The following ADGRL4 variants were observed in gnomAD, a reference collection of about 807,000 sequenced individuals.
ADGRL4 encodes adhesion G protein-coupled receptor L4.
A neutral mutation model predicts 74.8 loss-of-function variants in ADGRL4; 90 were observed. The ratio of observed to expected loss-of-function variants is 1.20; its 90% confidence interval spans 1.02 to 1.43. The LOEUF (loss-of-function observed/expected upper bound fraction) is 1.43. ADGRL4 is among the 40% of genes most tolerant of loss of function. ADGRL4 has a pLI of 0.00. For synonymous variants in ADGRL4, 311 were observed against 279.2 expected (o/e 1.11, Z -1.14); for missense variants, 881 against 814.3 (o/e 1.08, Z -1.00).
rs1246607087 is a variant in ADGRL4 at position 78,890,275 on chromosome 1, A to C, written c.*879T>G. ...TCAAATATACTAATGAGATAGTATAACTTTCACTTCACTGAAAGGTAATAG... is the reference window on the plus strand; with the variant it reads ...TCAAATATACTAATGAGATAGTATACCTTTCACTTCACTGAAAGGTAATAG... On this transcript the variant is annotated 3_prime_UTR_variant, in exon 15 of 15. Transcript: ENST00000370742. 1 of 152,260 alleles carries C rather than the reference A, an allele frequency of 6.6e-6. No homozygotes were observed. Among genetic ancestry groups the C allele is most frequent in the East Asian group, 1.9e-4 (1 of 5,204 alleles). The allele number at this position is 152,260 out of a possible 1,614,324, so 9.4% of individuals were successfully genotyped here.
At position 78,917,718 on chromosome 1, in the gene ADGRL4, G is replaced by T. The variant is rs142104671; in HGVS notation, c.1683-18C>A. The stretch of plus-strand genomic sequence containing the variant: ...GCCAACATCTGAAAAGTAAATAAAA[G>T]ATAGAATCTATAAATATGTTTGCAT... On this transcript the variant is annotated intron_variant, in intron 11 of 14. Coordinates refer to ENST00000370742, the MANE Select transcript of ADGRL4 (RefSeq NM_022159.4). 2,746 of 1,599,298 alleles carry T rather than the reference G, an allele frequency of 1.7e-3. 4 individuals carry two copies. Among genetic ancestry groups the T allele is most frequent in the Non-Finnish European group, 2.2e-3 (2,538 of 1,171,632 alleles).
At chr1:78,989,353 T>G (rs1650558615) in intron 2 of ADGRL4, among the ~76,000 whole-genome samples, 2 of 151,886 alleles carry the variant, frequency 1.3e-5, no homozygotes, top group African/African-American at 2.4e-5. Flanking sequence ...GTAAACATGC[T>G]TCTACTTTAA....
At chr1:78,923,882 G>A (rs916975474) in intron 8 of ADGRL4, among the ~76,000 whole-genome samples, 1 of 151,856 alleles carries the variant, frequency 6.6e-6, no homozygotes, top group African/African-American at 2.4e-5. Context: ...GAAAAAGAGA[G>A]CAGAGATACT....
chr1:78,996,781 A>G (rs979863227), intron 2 of ADGRL4, among the ~76,000 whole-genome samples: 8 of 152,158 alleles, frequency 5.3e-5, no homozygotes, highest in Non-Finnish European at 8.8e-5. Context: ...ATTGTTGTAC[A>G]TTATCTCATC....
chr1:78,895,788 T>G (rs1459440296), intron 12 of ADGRL4, among the ~76,000 whole-genome samples: 1 of 152,002 alleles, frequency 6.6e-6, no homozygotes, highest in Non-Finnish European at 1.5e-5. Flanking sequence ...AGATTTTATT[T>G]GAAGTGCAAA....
At chr1:78,946,490 A>G (rs530698298) in intron 2 of ADGRL4, 64 bp from the exon 3 acceptor site, 76 of 1,406,960 alleles carry the variant, frequency 5.4e-5, no homozygotes, top group Admixed American at 6.5e-5. Context: ...ACTATTTTCC[A>G]TCAGTATTTT....
At position 78,894,783 on chromosome 1, in the gene ADGRL4, C is replaced by T. The variant is rs370524316; in HGVS notation, c.1750-1594G>A. On this transcript the variant is annotated intron_variant, in intron 12 of 14. Transcript: ENST00000370742. ...GGTATTTATATTGATCTTGCTATCT[C>T]AACAAAGAAAGACTTAGAAGATAAA... Among the ~76,000 whole-genome samples the T allele has an allele frequency of 2.0e-4, 31 of 151,864 alleles. 1 individual carries two copies. In the South Asian group the frequency reaches 6.4e-3, roughly 32 times the overall value.
intron 12 of ADGRL4, among the ~76,000 whole-genome samples, chr1:78,903,662 G>A (rs368718126): frequency 7.2e-5 from 11 of 152,130 alleles, no homozygotes; most frequent in African/African-American, 2.4e-4. Context: ...TTGGCCGGGC[G>A]CGGTGGCTCA....
At chr1:78,895,341 G>A (rs1041134192) in intron 12 of ADGRL4, among the ~76,000 whole-genome samples, 2 of 151,894 alleles carry the variant, frequency 1.3e-5, no homozygotes, top group African/African-American at 4.8e-5. Flanking sequence ...AGTGGCAAGG[G>A]CTAGGTACCT....
chr1:78,966,519 A>C (rs191299891), intron 2 of ADGRL4, among the ~76,000 whole-genome samples: 2 of 152,176 alleles, frequency 1.3e-5, no homozygotes, highest in South Asian at 4.2e-4. Flanking sequence ...GAGCCTTTTC[A>C]TCCTTGGTCT....
chr1:78,973,803 T>C (rs181143681), intron 2 of ADGRL4, among the ~76,000 whole-genome samples: 2 of 152,024 alleles, frequency 1.3e-5, no homozygotes, highest in Admixed American at 1.3e-4. Context: ...TTGTTTTATG[T>C]TTCTTTTCTT....
chr1:78,911,908 A>G (rs189672146), intron 12 of ADGRL4, among the ~76,000 whole-genome samples: 121 of 152,026 alleles, frequency 8.0e-4, no homozygotes, highest in African/African-American at 2.8e-3. Context: ...GGCGTAGAAA[A>G]ATAGCTTCAG....
At position 78,944,291 on chromosome 1, in the gene ADGRL4, G is replaced by A. The variant is rs1489457037; in HGVS notation, c.325+1983C>T. On this transcript the variant is annotated intron_variant, in intron 3 of 14. Coordinates refer to ENST00000370742, the MANE Select transcript of ADGRL4 (RefSeq NM_022159.4). ...AATTACAGTGATTAAGATGTTACAAGTTAGACTTCTTCACTAACTGGAACA... is the reference window on the plus strand; with the variant it reads ...AATTACAGTGATTAAGATGTTACAAATTAGACTTCTTCACTAACTGGAACA... Among the ~76,000 whole-genome samples the A allele has an allele frequency of 2.6e-5, 4 of 152,272 alleles. No homozygotes were observed. The East Asian group carries it at 7.7e-4, about 29-fold the overall frequency.
chr1:78,982,998 G>T (rs577633316), intron 2 of ADGRL4, among the ~76,000 whole-genome samples: 74 of 151,880 alleles, frequency 4.9e-4, no homozygotes, highest in African/African-American at 1.7e-3. Context: ...CCTAGGCTAC[G>T]GGGGCAGAGG....
intron 2 of ADGRL4, among the ~76,000 whole-genome samples, chr1:78,956,149 T>C (rs1309387338): frequency 6.6e-6 from 1 of 152,164 alleles, no homozygotes; most frequent in Non-Finnish European, 1.5e-5. Context: ...TGCATTTAGA[T>C]ATTGCCGAAA....
intron 2 of ADGRL4, among the ~76,000 whole-genome samples, chr1:78,984,774 G>A (rs1343914316): frequency 6.6e-6 from 1 of 151,698 alleles, no homozygotes; most frequent in East Asian, 1.9e-4. Flanking sequence ...TCCTAGAAAT[G>A]GAGAATCTAT....
Position 78,917,629 on chromosome 1 carries a change from C to T in ADGRL4, c.1749+5G>A. 1 of 1,575,124 alleles carries T rather than the reference C, an allele frequency of 6.3e-7. No homozygotes were observed. The highest frequency in any genetic ancestry group is 8.7e-7 in the Non-Finnish European group (1 of 1,155,232). On this transcript the variant is annotated splice_donor_5th_base_variant and intron_variant, in intron 12 of 14. Coordinates refer to ENST00000370742, the MANE Select transcript of ADGRL4 (RefSeq NM_022159.4). The stretch of plus-strand genomic sequence containing the variant: ...AATTGTAATAACAATTTTATATATA[C>T]ATACAAGAATGATTAGGCATGCTGG...
chr1:78,941,855 C>T (rs1010221062), intron 3 of ADGRL4, among the ~76,000 whole-genome samples: 11 of 152,106 alleles, frequency 7.2e-5, no homozygotes, highest in Non-Finnish European at 1.6e-4. Flanking sequence ...AATTCAAATC[C>T]TGACTATAAC....
rs1017534407 is a variant in ADGRL4 at position 78,972,551 on chromosome 1, C to G, written c.173-26125G>C. Among the ~76,000 whole-genome samples the G allele has an allele frequency of 2.0e-5, 3 of 152,204 alleles. No individual in the cohort carries two copies. The East Asian group carries it at 5.8e-4, about 29-fold the overall frequency. ...TAATTTAAGTACTGTACACATTTAT[C>G]TCTAGAACACTGATATGCATTTGTT... On this transcript the variant is annotated intron_variant, in intron 2 of 14. Coordinates refer to ENST00000370742, the MANE Select transcript of ADGRL4 (RefSeq NM_022159.4).
Sources: allele counts gnomAD v4.1 joint callset (sites outside exome capture counted in the v4.1 genomes callset), GRCh38; gene constraint gnomAD v4.1.1; transcripts MANE v1.5; gene names NCBI Gene and HGNC (gene_info 2026-07-23, HGNC 2026-07-21).